The following LY96 variants were observed in gnomAD, a reference collection of about 807,000 sequenced individuals.
LY96 encodes myeloid differentiation protein-2.
Under a neutral mutation model 18.9 loss-of-function variants are expected in LY96, and 18 were observed. That is an observed-to-expected ratio of 0.95 (90% CI 0.66 to 1.41). The LOEUF is 1.41. Among genes scored for constraint, LY96 ranks in the 40% most tolerant of loss-of-function variants. The pLI, the probability that LY96 is intolerant of heterozygous loss-of-function variation, is 0.00. For missense variants in LY96, 175 were observed against 182.4 expected, an observed-to-expected ratio of 0.96 and a Z score of 0.23; for synonymous variants, 66 against 62.6, an observed-to-expected ratio of 1.06 and a Z score of -0.26.
the LY96 span, among the ~76,000 whole-genome samples, chr8:74,071,172 A>G: frequency 0.015 from 2,261 of 152,176 alleles, 24 homozygotes; most frequent in Admixed American, 0.024. Context: ...CTATGATGCT[A>G]TTCAGTTGCT....
chr8:74,062,484 G>C, the LY96 span, among the ~76,000 whole-genome samples: 1 of 151,472 alleles, frequency 6.6e-6, no homozygotes, highest in Non-Finnish European at 1.5e-5. Flanking sequence ...TTATAAGTGA[G>C]AACATGCGGT....
At chr8:74,050,124 C>A in the LY96 span, among the ~76,000 whole-genome samples, 1 of 152,148 alleles carries the variant, frequency 6.6e-6, no homozygotes, top group Admixed American at 6.5e-5. Context: ...ACATGGATCA[C>A]CTGAGGTCAG....
At chr8:74,016,851 G>C (rs1224711806) in intron 3 of LY96, among the ~76,000 whole-genome samples, 1 of 152,178 alleles carries the variant, frequency 6.6e-6, no homozygotes, top group Non-Finnish European at 1.5e-5. Context: ...GAAAGGAAGA[G>C]CACCAACATC....
the LY96 span, among the ~76,000 whole-genome samples, chr8:74,061,265 A>T: frequency 6.6e-6 from 1 of 152,226 alleles, no homozygotes; most frequent in Non-Finnish European, 1.5e-5. Flanking sequence ...CAGAGCCCTC[A>T]TATGAATGGG....
chr8:74,067,421 C>T, the LY96 span, among the ~76,000 whole-genome samples: 13 of 152,078 alleles, frequency 8.5e-5, no homozygotes, highest in South Asian at 2.1e-4. Context: ...GATGGGGTCT[C>T]GCTACGTTGC....
intron 1 of LY96, among the ~76,000 whole-genome samples, chr8:74,003,666 G>T (rs905328304): frequency 6.6e-5 from 10 of 152,128 alleles, no homozygotes; most frequent in African/African-American, 2.4e-4. Context: ...AGGAAAATTT[G>T]TTTTTCCTCT....
chr8:74,069,413 C>T, the LY96 span, among the ~76,000 whole-genome samples: 1 of 152,092 alleles, frequency 6.6e-6, no homozygotes, highest in Admixed American at 6.5e-5. Flanking sequence ...CACATATCCT[C>T]AGGAGACTGG....
chr8:74,015,389 G>T (rs1221038078), intron 3 of LY96, among the ~76,000 whole-genome samples: 1 of 152,196 alleles, frequency 6.6e-6, no homozygotes, highest in African/African-American at 2.4e-5. Context: ...GCATGGATCT[G>T]TTCCAGGCCT....
chr8:74,088,376 T>C, the LY96 span, among the ~76,000 whole-genome samples: 1 of 152,146 alleles, frequency 6.6e-6, no homozygotes, highest in Non-Finnish European at 1.5e-5. Flanking sequence ...CAAGGAGCCA[T>C]TTGTTGGTGC....
chr8:74,040,625 C>A, the LY96 span, among the ~76,000 whole-genome samples: 1 of 150,644 alleles, frequency 6.6e-6, no homozygotes, highest in Non-Finnish European at 1.5e-5. Flanking sequence ...GTAGCCTTGT[C>A]AAAAATCAGT....
At chr8:74,068,341 T>A in the LY96 span, among the ~76,000 whole-genome samples, 1 of 152,168 alleles carries the variant, frequency 6.6e-6, no homozygotes, top group Non-Finnish European at 1.5e-5. Flanking sequence ...AGAATTGTTA[T>A]CTGTTATAAA....
At chr8:74,053,637 C>A in the LY96 span, among the ~76,000 whole-genome samples, 1 of 152,266 alleles carries the variant, frequency 6.6e-6, no homozygotes, top group African/African-American at 2.4e-5. Context: ...GAATGAATAC[C>A]CTTTCCTTTC....
intron 1 of LY96, among the ~76,000 whole-genome samples, chr8:73,995,987 G>A (rs1816118330): frequency 6.6e-6 from 1 of 152,078 alleles, no homozygotes; most frequent in Admixed American, 6.5e-5. Context: ...GGAGAAGCTA[G>A]GGGGTTGCAT....
the LY96 span, among the ~76,000 whole-genome samples, chr8:74,080,991 TTTC>T: frequency 2.6e-5 from 2 of 75,674 alleles, no homozygotes; most frequent in African/African-American, 1.5e-4. Context: ...TCTCTCTTTC[TTTC>T]TTTCTTTCTT....
the LY96 span, among the ~76,000 whole-genome samples, chr8:74,095,018 G>T: frequency 6.6e-6 from 1 of 152,192 alleles, no homozygotes. Context: ...TCTGTGGGCT[G>T]AATACAGAGA....
At chr8:74,075,015 T>C in the LY96 span, among the ~76,000 whole-genome samples, 2 of 152,208 alleles carry the variant, frequency 1.3e-5, no homozygotes, top group African/African-American at 4.8e-5. Flanking sequence ...TTCTATAGCA[T>C]AGATTAAGTC....
intron 1 of LY96, among the ~76,000 whole-genome samples, chr8:73,992,840 G>A (rs1481858): frequency 2.4e-4 from 16 of 66,154 alleles, no homozygotes; most frequent in African/African-American, 7.1e-4. Flanking sequence ...ATGCCACTGT[G>A]TGTGTGTGTG....
intron 3 of LY96, among the ~76,000 whole-genome samples, chr8:74,014,041 A>G (rs1816587328): frequency 6.6e-6 from 1 of 151,976 alleles, no homozygotes; most frequent in Admixed American, 6.6e-5. Context: ...TGAGGGCTGA[A>G]CGAGACGGCG....
the LY96 span, among the ~76,000 whole-genome samples, chr8:74,035,286 A>G: frequency 2.6e-5 from 4 of 152,064 alleles, no homozygotes; most frequent in East Asian, 7.7e-4. Flanking sequence ...TCAATTGGCT[A>G]TAAGTCTTTT....
Sources: gnomAD v4.1 joint callset for allele counts (sites outside exome capture counted in the v4.1 genomes callset) on GRCh38, gnomAD v4.1.1 for gene constraint, MANE v1.5 for transcripts, NCBI Gene and HGNC (gene_info 2026-07-23, HGNC 2026-07-21) for gene names.